The following ZNF66 variants were observed in gnomAD, a reference collection of about 807,000 sequenced individuals.
ZNF66 encodes putative zinc finger protein 66.
ZNF66 carries 32 observed loss-of-function variants against 35.2 expected under a neutral mutation model. The observed-to-expected ratio is 0.91, with a 90% CI of 0.69 to 1.22. The LOEUF is 1.22. Ranked by LOEUF, ZNF66 falls within the 50% of genes most tolerant of loss-of-function variation. ZNF66 has a pLI of 0.00. For synonymous variants in ZNF66, 231 were observed against 181.3 expected (o/e 1.27, Z -2.20); for missense variants, 666 against 543.1 (o/e 1.23, Z -2.25).
At chr19:20,799,662 A>G (rs546682633) in intron 3 of ZNF66, among the ~76,000 whole-genome samples, 1 of 152,158 alleles carries the variant, frequency 6.6e-6, no homozygotes, top group Non-Finnish European at 1.5e-5. Context: ...CAGTGTTGAC[A>G]TTCAGTTTTC....
chr19:20,807,365 A>C lies in ZNF66; in HGVS notation c.*43A>C. On this transcript the variant is annotated 3_prime_UTR_variant, in exon 4 of 4. Transcript: ENST00000344519. Reference sequence around the variant, plus strand: ...CTAGACATAAGATAATTCATACTGGAGAGAAACCCTATGAGTTTGATGAAT... The same window carrying C: ...CTAGACATAAGATAATTCATACTGGCGAGAAACCCTATGAGTTTGATGAAT... 1 of 582,546 alleles carries C rather than the reference A, an allele frequency of 1.7e-6. No individual in the cohort carries two copies. Among genetic ancestry groups the C allele is most frequent in the Non-Finnish European group, 3.1e-6 (1 of 324,684 alleles). 36.1% of individuals were successfully genotyped at this position (582,546 alleles called of 1,614,324 possible).
chr19:20,809,131 A>G lies in ZNF66; in HGVS notation c.*1809A>G, dbSNP rs893135922. On this transcript the variant is annotated 3_prime_UTR_variant, in exon 4 of 4. Coordinates refer to ENST00000344519, the MANE Select transcript of ZNF66 (RefSeq NM_001355197.2). ...AAATGAAGTGAGAAGGGAAGTTTAG[A>G]GAAAAAAAATTAAAAAGAAACAAAG... Among the ~76,000 whole-genome samples, 5 of 150,856 alleles carry G rather than the reference A, an allele frequency of 3.3e-5. No individual in the cohort carries two copies. The highest frequency in any genetic ancestry group is 9.8e-5 in the African/African-American group (4 of 40,976).
rs1240023521 is a variant in ZNF66, at chr19:20,779,086, G to A, written c.3+2636G>A. ...GAAGCTACAGAGCCCTGGAAAGCTG[G>A]GGTCCCACAGGCAGATGCAGTTGAG... On this transcript the variant is annotated intron_variant, in intron 1 of 3. Coordinates refer to ENST00000344519, the MANE Select transcript of ZNF66 (RefSeq NM_001355197.2). Among the ~76,000 whole-genome samples the A allele has an allele frequency of 2.6e-5, 4 of 152,148 alleles. No individual in the cohort carries two copies. The East Asian group carries it at 5.8e-4, about 22-fold the overall frequency.
rs187227685 is a variant in ZNF66, at chr19:20,807,511, T to G, written c.*189T>G. ...GGAAGTTCTCAACCCTTATTACACA[T>G]AATTCATACTGGATAGAAACCCTAC... On this transcript the variant is annotated 3_prime_UTR_variant, in exon 4 of 4. Transcript: ENST00000344519. Among the ~76,000 whole-genome samples the G allele has an allele frequency of 4.8e-4, 72 of 151,450 alleles. No homozygotes were observed. The highest frequency in any genetic ancestry group is 1.4e-3 in the African/African-American group (59 of 41,352).
intron 3 of ZNF66, among the ~76,000 whole-genome samples, chr19:20,797,270 A>G (rs1421719000): frequency 9.8e-6 from 1 of 101,972 alleles, no homozygotes; most frequent in Non-Finnish European, 1.9e-5. Context: ...CAGTGGCGCA[A>G]TCTCGGCTCA....
At chr19:20,781,437 G>T (rs188979499) in intron 1 of ZNF66, among the ~76,000 whole-genome samples, 5 of 151,886 alleles carry the variant, frequency 3.3e-5, no homozygotes, top group Non-Finnish European at 5.9e-5. Flanking sequence ...CTTTGTGTTC[G>T]TGTGTTCTTA....
At chr19:20,790,198 GC>G (rs1257621944) in intron 1 of ZNF66, among the ~76,000 whole-genome samples, 1 of 152,220 alleles carries the variant, frequency 6.6e-6, no homozygotes, top group African/African-American at 2.4e-5. Context: ...GTGATTATCA[GC>G]CCAGGGTTCT....
intron 1 of ZNF66, among the ~76,000 whole-genome samples, chr19:20,789,805 T>A (rs574230555): frequency 6.6e-6 from 1 of 152,260 alleles, no homozygotes; most frequent in Admixed American, 6.5e-5. Context: ...TAATGTGTTA[T>A]GCCCAGCACA....
intron 1 of ZNF66, among the ~76,000 whole-genome samples, chr19:20,787,393 T>C (rs1971296394): frequency 6.6e-6 from 1 of 152,184 alleles, no homozygotes; most frequent in South Asian, 2.1e-4. Context: ...TCTACTTAGA[T>C]TGTATTCCAC....
chr19:20,794,094 A>T (rs1476162317), intron 3 of ZNF66: 23 of 572,602 alleles, frequency 4.0e-5, no homozygotes, highest in Middle Eastern at 4.6e-4. Flanking sequence ...TAAAAATTCT[A>T]CTTTTCTCTC....
rs368400631 is a variant in ZNF66 at position 20,808,554 on chromosome 19, A to G, written c.*1232A>G. The stretch of plus-strand genomic sequence containing the variant: ...GTGGTTCATGAAAATCCGCTGTTCT[A>G]CAGCCACTGATGCTGATACCCAGGC... On this transcript the variant is annotated 3_prime_UTR_variant, in exon 4 of 4. Transcript: ENST00000344519. 8.5e-4 allele frequency among the ~76,000 whole-genome samples: 129 copies of G among 152,298 alleles called. No homozygotes were observed. Among genetic ancestry groups the G allele is most frequent in the Non-Finnish European group, 1.4e-3 (94 of 68,018 alleles).
At chr19:20,795,948 T>G (rs1487054066) in intron 3 of ZNF66, among the ~76,000 whole-genome samples, 3 of 152,170 alleles carry the variant, frequency 2.0e-5, no homozygotes, top group Admixed American at 2.0e-4. Context: ...GTAGGGGTCC[T>G]GCAGTTTCCC....
intron 1 of ZNF66, among the ~76,000 whole-genome samples, chr19:20,791,894 G>A (rs1022098050): frequency 6.6e-6 from 1 of 150,574 alleles, no homozygotes; most frequent in Non-Finnish European, 1.5e-5. Flanking sequence ...TGCAGCTGAT[G>A]TGAACAAACA....
intron 1 of ZNF66, among the ~76,000 whole-genome samples, chr19:20,777,828 G>GC (rs1971209997): frequency 5.3e-5 from 8 of 152,048 alleles, no homozygotes; most frequent in African/African-American, 1.9e-4. Flanking sequence ...GTTTCACCAT[G>GC]TTTGCCAGGA....
chr19:20,809,578 C>T lies in ZNF66; in HGVS notation c.*2256C>T, dbSNP rs1971567545. Among the ~76,000 whole-genome samples, 1 of 151,646 alleles carries T rather than the reference C, an allele frequency of 6.6e-6. No individual in the cohort carries two copies. The highest frequency in any genetic ancestry group is 1.5e-5 in the Non-Finnish European group (1 of 67,880). On this transcript the variant is annotated 3_prime_UTR_variant, in exon 4 of 4. Transcript: ENST00000344519. ...ACCCAGAATTTCATATCCAGCCAAA[C>T]TAAGCTTCATAAGTGAAGGAGAAAT...
chr19:20,779,886 C>T lies in ZNF66; in HGVS notation c.3+3436C>T, dbSNP rs1599544702. On this transcript the variant is annotated intron_variant, in intron 1 of 3. Transcript: ENST00000344519. ...AATGTTGTACTGAGCTGAGATTGCA[C>T]CAGTGCACTCCAGCCTGGGCAACGA... Among the ~76,000 whole-genome samples, 3 of 150,194 alleles carry T rather than the reference C, an allele frequency of 2.0e-5. No homozygotes were observed. In the South Asian group the frequency reaches 6.3e-4, roughly 31 times the overall value.
At position 20,808,600 on chromosome 19, in the gene ZNF66, C is replaced by T. The variant is rs188361644; in HGVS notation, c.*1278C>T. On this transcript the variant is annotated 3_prime_UTR_variant, in exon 4 of 4. Coordinates refer to ENST00000344519, the MANE Select transcript of ZNF66 (RefSeq NM_001355197.2). ...CAGGCAAACAGCGTCTGGAGTGGAC[C>T]TCTAGCAAACTCCAACAGACCTGCA... is the stretch of plus-strand genomic sequence containing the variant. Among the ~76,000 whole-genome samples, 1,277 of 152,230 alleles carry T rather than the reference C, an allele frequency of 8.4e-3. 19 individuals are homozygous for T. The highest frequency in any genetic ancestry group is 0.03 in the African/African-American group (1,238 of 41,538).
At chr19:20,778,828 A>G (rs1202425150) in intron 1 of ZNF66, among the ~76,000 whole-genome samples, 2 of 151,780 alleles carry the variant, frequency 1.3e-5, no homozygotes, top group Admixed American at 6.6e-5. Context: ...TCCTTCCCTT[A>G]TGTAAACACT....
intron 3 of ZNF66, among the ~76,000 whole-genome samples, chr19:20,802,421 T>G (rs1239726885): frequency 6.6e-6 from 1 of 152,190 alleles, no homozygotes. Flanking sequence ...TGTGAGTCAC[T>G]GCACACAGCC....
Sources: allele counts gnomAD v4.1 joint callset (sites outside exome capture counted in the v4.1 genomes callset), GRCh38; gene constraint gnomAD v4.1.1; transcripts MANE v1.5; gene names NCBI Gene and HGNC (gene_info 2026-07-23, HGNC 2026-07-21).